Variants in VWA3B observed in about 807,000 individuals in gnomAD.
VWA3B encodes von Willebrand factor A domain containing 3B.
In VWA3B, 138 loss-of-function variants were observed where a neutral mutation model predicts 158.3. The observed-to-expected ratio is 0.87, with a 90% CI of 0.76 to 1.00. The LOEUF is 1.00. VWA3B is among the 50% of genes least tolerant of loss of function. The probability of loss-of-function intolerance (pLI) is 0.00; values close to 1 mark genes in which losing one functional copy is unlikely to be tolerated. For missense variants in VWA3B, 1,555 were observed against 1,565.1 expected (o/e 0.99, Z 0.11); for synonymous variants, 596 against 587.3 (o/e 1.01, Z -0.21).
chr2:98,240,539 T>C (rs1161823695), intron 19 of VWA3B, among the ~76,000 whole-genome samples: 1 of 152,182 alleles, frequency 6.6e-6, no homozygotes, highest in Non-Finnish European at 1.5e-5. Flanking sequence ...CCAAATTCAC[T>C]GTACATTTTC....
chr2:98,278,434 G>A (rs563684114), intron 22 of VWA3B, among the ~76,000 whole-genome samples: 6 of 152,292 alleles, frequency 3.9e-5, no homozygotes, highest in South Asian at 2.1e-4. Context: ...GTGACAGCCC[G>A]CTGTATCCCT....
At chr2:98,117,184 C>T (rs1674600088) in intron 3 of VWA3B, among the ~76,000 whole-genome samples, 1 of 152,166 alleles carries the variant, frequency 6.6e-6, no homozygotes, top group Non-Finnish European at 1.5e-5. Context: ...ACACTCTGGA[C>T]TGAAGAGTTT....
At chr2:98,249,054 T>A (rs1686626073) in intron 19 of VWA3B, among the ~76,000 whole-genome samples, 1 of 152,124 alleles carries the variant, frequency 6.6e-6, no homozygotes, top group African/African-American at 2.4e-5. Context: ...ATTTACCTCT[T>A]AAAAATAATT....
At chr2:98,092,860 A>ATATATATATATG (rs1553633936) in intron 1 of VWA3B, among the ~76,000 whole-genome samples, 6 of 118,518 alleles carry the variant, frequency 5.1e-5, no homozygotes, top group East Asian at 2.6e-4. Context: ...ATATATATAT[A>ATATATATATATG]GTTGAATATT....
chr2:98,292,759 G>A (rs1015355456), intron 23 of VWA3B, among the ~76,000 whole-genome samples: 2 of 152,128 alleles, frequency 1.3e-5, no homozygotes, highest in Admixed American at 6.5e-5. Flanking sequence ...GAGGTCGGGA[G>A]TTTGAGACCA....
chr2:98,260,012 T>C (rs1687384582), intron 21 of VWA3B, among the ~76,000 whole-genome samples: 1 of 151,752 alleles, frequency 6.6e-6, no homozygotes, highest in Non-Finnish European at 1.5e-5. Context: ...ATGTGGTATT[T>C]AATTTCTATG....
chr2:98,161,568 A>G (rs7568714), intron 7 of VWA3B, among the ~76,000 whole-genome samples: 1 of 152,094 alleles, frequency 6.6e-6, no homozygotes, highest in Non-Finnish European at 1.5e-5. Context: ...AAGAGTGTGG[A>G]TCTGTTTTCA....
At chr2:98,117,508 G>A (rs1055853948) in intron 3 of VWA3B, among the ~76,000 whole-genome samples, 8 of 152,114 alleles carry the variant, frequency 5.3e-5, no homozygotes, top group African/African-American at 1.9e-4. Context: ...CAGGCTGCTG[G>A]CAAAAGCCTT....
chr2:98,285,482 T>C (rs1689115705), intron 22 of VWA3B, among the ~76,000 whole-genome samples: 1 of 152,012 alleles, frequency 6.6e-6, no homozygotes, highest in Non-Finnish European at 1.5e-5. Flanking sequence ...TCTTGACGGG[T>C]CAGATGGTAA....
rs574707810 is a variant in VWA3B at position 98,147,607 on chromosome 2, G to A, written c.988+13668G>A. Among the ~76,000 whole-genome samples the A allele has an allele frequency of 4.0e-5, 6 of 151,870 alleles. No individual in the cohort carries two copies. In the South Asian group the frequency reaches 6.3e-4, roughly 16 times the overall value. ...TAAAGTTCTATATTAGAGTTTTGTC[G>A]ATCATTTCCTATTAGATATTTGGGT... On this transcript the variant is annotated intron_variant, in intron 7 of 27. Transcript: ENST00000477737.
chr2:98,141,989 G>C (rs1282958439), intron 7 of VWA3B, among the ~76,000 whole-genome samples: 6 of 152,126 alleles, frequency 3.9e-5, no homozygotes, highest in Non-Finnish European at 5.9e-5. Flanking sequence ...TACTTACTTT[G>C]ATTTCTAGAA....
intron 12 of VWA3B, among the ~76,000 whole-genome samples, chr2:98,196,188 T>A (rs1163788239): frequency 6.6e-6 from 1 of 152,184 alleles, no homozygotes; most frequent in African/African-American, 2.4e-5. Flanking sequence ...GAATAAGTTC[T>A]GGAGCTCTAT....
chr2:98,329,408 C>T, the VWA3B span, among the ~76,000 whole-genome samples: 11 of 151,926 alleles, frequency 7.2e-5, no homozygotes, highest in African/African-American at 1.7e-4. Flanking sequence ...AAACCACAGA[C>T]GGAGAGAAAA....
intron 7 of VWA3B, among the ~76,000 whole-genome samples, chr2:98,153,067 G>A (rs911268557): frequency 3.3e-5 from 5 of 152,094 alleles, no homozygotes; most frequent in African/African-American, 7.2e-5. Context: ...CACGACAGGC[G>A]TCACTAATCT....
intron 17 of VWA3B, among the ~76,000 whole-genome samples, chr2:98,235,842 C>T (rs1685644619): frequency 6.6e-6 from 1 of 152,178 alleles, no homozygotes; most frequent in South Asian, 2.1e-4. Flanking sequence ...AAACACGCCT[C>T]CTTCTGAATG....
At chr2:98,213,251 T>C (rs971299067) in intron 13 of VWA3B, among the ~76,000 whole-genome samples, 6 of 151,534 alleles carry the variant, frequency 4.0e-5, no homozygotes, top group African/African-American at 1.2e-4. Context: ...GTGAAAAACG[T>C]TGGGTTGAGG....
At chr2:98,122,432 C>A (rs1475826821) in intron 5 of VWA3B, among the ~76,000 whole-genome samples, 1 of 152,156 alleles carries the variant, frequency 6.6e-6, no homozygotes, top group Non-Finnish European at 1.5e-5. Context: ...CTGTGTTTAT[C>A]AATACTGAGG....
At chr2:98,251,227 C>T (rs569736995) in intron 20 of VWA3B, among the ~76,000 whole-genome samples, 7 of 152,322 alleles carry the variant, frequency 4.6e-5, no homozygotes, top group African/African-American at 1.7e-4. Flanking sequence ...ACTATCTTCC[C>T]TTTCCAATAT....
In VWA3B at chr2:98,198,962, C is replaced by T. The variant is rs545119922; in HGVS notation, c.1737+4470C>T. Among the ~76,000 whole-genome samples the T allele has an allele frequency of 2.0e-5, 3 of 152,178 alleles. No individual in the cohort carries two copies. The East Asian group carries it at 5.8e-4, about 29-fold the overall frequency. On this transcript the variant is annotated intron_variant, in intron 12 of 27. Coordinates refer to ENST00000477737, the MANE Select transcript of VWA3B (RefSeq NM_144992.5). ...ATTAGCCAGGTGTGGTGGTGTGCGC[C>T]TGTAGTACCAGCTACTCGGGAGGCT...
Sources: allele counts gnomAD v4.1 joint callset (sites outside exome capture counted in the v4.1 genomes callset), GRCh38; gene constraint gnomAD v4.1.1; transcripts MANE v1.5; gene names NCBI Gene and HGNC (gene_info 2026-07-23, HGNC 2026-07-21).